ZBBX: variants seen among roughly 807,000 people sequenced by gnomAD.
ZBBX encodes zinc finger B-box domain containing.
In ZBBX, 101 loss-of-function variants were observed where a neutral mutation model predicts 108.5. The ratio of observed to expected loss-of-function variants is 0.93; its 90% CI spans 0.79 to 1.10. ZBBX has a LOEUF of 1.10. Ranked by LOEUF, ZBBX falls within the 50% of genes least tolerant of loss-of-function variation. The pLI, the probability that ZBBX is intolerant of heterozygous loss-of-function variation, is 0.00. For missense variants in ZBBX, 1,009 were observed against 941.4 expected, an observed-to-expected ratio of 1.07 and a Z score of -0.94; for synonymous variants, 356 against 323.4, an observed-to-expected ratio of 1.10 and a Z score of -1.08.
the ZBBX span, among the ~76,000 whole-genome samples, chr3:167,208,004 G>A: frequency 6.6e-6 from 1 of 152,170 alleles, no homozygotes; most frequent in Admixed American, 6.6e-5. Flanking sequence ...GCATTTGGGG[G>A]AGGGAGAGTA....
intron 9 of ZBBX, among the ~76,000 whole-genome samples, chr3:167,340,709 TG>T (rs1740389364): frequency 6.6e-6 from 1 of 151,726 alleles, no homozygotes; most frequent in Non-Finnish European, 1.5e-5. Flanking sequence ...AAGAAAGGGT[TG>T]GGGGGTGCAG....
At chr3:167,343,232 T>A (rs535122960) in intron 9 of ZBBX, among the ~76,000 whole-genome samples, 2 of 151,924 alleles carry the variant, frequency 1.3e-5, no homozygotes, top group East Asian at 3.9e-4. Flanking sequence ...ATAAATATGA[T>A]CTTTCAAAAT....
chr3:167,214,098 A>T, the ZBBX span, among the ~76,000 whole-genome samples: 1,254 of 152,282 alleles, frequency 8.2e-3, 10 homozygotes, highest in Non-Finnish European at 0.013. Flanking sequence ...CAACACACAG[A>T]CTAGTGTCAC....
chr3:167,377,773 A>G lies in ZBBX; in HGVS notation c.-132+1865T>C, dbSNP rs149328819. On this transcript the variant is annotated intron_variant, in intron 2 of 21. Transcript: ENST00000675490. ...TTGTGCTGGAGTGTCCTACTAAATA[A>G]ATGTGTGCCACATTCTCATAGCAAA... is the stretch of plus-strand genomic sequence containing the variant. Among the ~76,000 whole-genome samples, 588 of 152,248 alleles carry G rather than the reference A, an allele frequency of 3.9e-3. 8 individuals carry two copies. Among genetic ancestry groups the G allele is most frequent in the African/African-American group, 0.013 (548 of 41,554 alleles).
the ZBBX span, among the ~76,000 whole-genome samples, chr3:167,216,733 T>G: frequency 6.6e-6 from 1 of 152,170 alleles, no homozygotes; most frequent in South Asian, 2.1e-4. Context: ...ACTACAAGGC[T>G]ACAGTGACCA....
At chr3:167,275,845 G>A (rs1483931831) in intron 20 of ZBBX, among the ~76,000 whole-genome samples, 2 of 152,218 alleles carry the variant, frequency 1.3e-5, no homozygotes, top group Non-Finnish European at 2.9e-5. Context: ...CAAACAAAAA[G>A]ACAGCAGTAA....
chr3:167,186,793 A>G, the ZBBX span, among the ~76,000 whole-genome samples: 2 of 152,328 alleles, frequency 1.3e-5, no homozygotes, highest in African/African-American at 4.8e-5. Context: ...TATATTGCTG[A>G]TACAGATAGA....
chr3:167,393,994 AT>A (rs1748156555), intron 1 of ZBBX, among the ~76,000 whole-genome samples: 1 of 151,980 alleles, frequency 6.6e-6, no homozygotes, highest in Non-Finnish European at 1.5e-5. Flanking sequence ...TGTAGAAAGT[AT>A]TTTAAAAGTA....
chr3:167,301,107 T>C (rs111396173), intron 17 of ZBBX, among the ~76,000 whole-genome samples: 2,045 of 152,252 alleles, frequency 0.013, 48 homozygotes, highest in African/African-American at 0.047. Context: ...CCCCAGTGTA[T>C]GCTGTTCCCC....
At chr3:167,206,073 G>T in the ZBBX span, among the ~76,000 whole-genome samples, 2 of 151,768 alleles carry the variant, frequency 1.3e-5, no homozygotes, top group Admixed American at 6.6e-5. Context: ...TCCTTATTTG[G>T]TTTATCAGAT....
intron 1 of ZBBX, among the ~76,000 whole-genome samples, chr3:167,400,997 T>C (rs1337584074): frequency 6.6e-6 from 1 of 152,292 alleles, no homozygotes; most frequent in East Asian, 1.9e-4. Context: ...TTTAGCTTAG[T>C]GATTTTGGGA....
At chr3:167,310,012 C>A (rs956210204) in intron 16 of ZBBX, among the ~76,000 whole-genome samples, 1 of 152,162 alleles carries the variant, frequency 6.6e-6, no homozygotes. Flanking sequence ...ACAGCCAGGT[C>A]ACATCTTGAA....
chr3:167,354,028 A>T (rs1743112576), intron 8 of ZBBX, among the ~76,000 whole-genome samples: 1 of 152,050 alleles, frequency 6.6e-6, no homozygotes, highest in Admixed American at 6.6e-5. Context: ...TATATTTAGT[A>T]CAAATAACCT....
At chr3:167,362,384 T>C (rs1481346238) in intron 6 of ZBBX, among the ~76,000 whole-genome samples, 1 of 152,026 alleles carries the variant, frequency 6.6e-6, no homozygotes, top group East Asian at 1.9e-4. Context: ...GGGGTCAGAA[T>C]ATGCTGTCAT....
At chr3:167,346,048 TTCTC>T (rs1426734281) in intron 9 of ZBBX, among the ~76,000 whole-genome samples, 1 of 151,904 alleles carries the variant, frequency 6.6e-6, no homozygotes, top group African/African-American at 2.4e-5. Context: ...TCATCTTCTA[TTCTC>T]TCTAATTAAC....
At chr3:167,361,791 A>G (rs189429705) in intron 6 of ZBBX, among the ~76,000 whole-genome samples, 1 of 152,334 alleles carries the variant, frequency 6.6e-6, no homozygotes, top group Admixed American at 6.5e-5. Context: ...TCATAACCAA[A>G]TTATCCAGTA....
At chr3:167,193,383 G>T in the ZBBX span, among the ~76,000 whole-genome samples, 1 of 152,180 alleles carries the variant, frequency 6.6e-6, no homozygotes, top group Non-Finnish European at 1.5e-5. Flanking sequence ...CAGCCATTCT[G>T]ATTTTTCTTC....
chr3:167,206,824 T>G, the ZBBX span, among the ~76,000 whole-genome samples: 4 of 152,138 alleles, frequency 2.6e-5, no homozygotes, highest in East Asian at 7.7e-4. Context: ...AGCTCATAAA[T>G]GAATCCAACC....
At chr3:167,183,215 A>C in the ZBBX span, among the ~76,000 whole-genome samples, 2 of 152,072 alleles carry the variant, frequency 1.3e-5, no homozygotes, top group African/African-American at 2.4e-5. Context: ...CTTCCTCCTC[A>C]TCATCAGTGT....
Sources: allele counts gnomAD v4.1 joint callset (sites outside exome capture counted in the v4.1 genomes callset), GRCh38; gene constraint gnomAD v4.1.1; transcripts MANE v1.5; gene names NCBI Gene and HGNC (gene_info 2026-07-23, HGNC 2026-07-21).